The following AOPEP variants were observed in gnomAD, a reference collection of about 807,000 sequenced individuals.
AOPEP encodes the protein aminopeptidase O (putative).
A neutral mutation model predicts 98.1 loss-of-function variants in AOPEP; 77 were observed. The observed-to-expected ratio is 0.78, with a 90% CI of 0.65 to 0.95. The LOEUF (loss-of-function observed/expected upper bound fraction) is 0.95, where lower values mean the gene tolerates loss of function less well. Ranked by LOEUF, AOPEP falls within the 40% of genes least tolerant of loss-of-function variation. AOPEP has a pLI of 0.00. For missense variants in AOPEP, 1,024 were observed against 1,024.7 expected (o/e 1.00, Z 0.01); for synonymous variants, 346 against 365.3 (o/e 0.95, Z 0.60).
chr9:95,004,663 G>A (rs1280383825), intron 11 of AOPEP, among the ~76,000 whole-genome samples: 2 of 151,498 alleles, frequency 1.3e-5, no homozygotes, highest in Non-Finnish European at 3.0e-5. Context: ...GGGCGGCGCG[G>A]GCCCCTCTCG....
At chr9:94,911,706 T>C (rs1211427092) in intron 5 of AOPEP, among the ~76,000 whole-genome samples, 1 of 152,148 alleles carries the variant, frequency 6.6e-6, no homozygotes, top group Non-Finnish European at 1.5e-5. Flanking sequence ...TGTTGGAAAT[T>C]GGCCTCGAAT....
At position 95,020,103 on chromosome 9, in the gene AOPEP, CCTGAGAAGTTGATTCCCAGG is replaced by C; in HGVS notation, c.2115+14489_2115+14508del. 2.6e-5 allele frequency: 4 copies of C among 152,280 alleles called. 1 individual carries two copies. Among genetic ancestry groups the C allele is most frequent in the African/African-American group, 9.6e-5 (4 of 41,550 alleles). 9.4% of individuals were successfully genotyped at this position (152,280 alleles called of 1,614,324 possible). On this transcript the variant is annotated intron_variant, in intron 13 of 16. Transcript: ENST00000375315. Reference sequence around the variant, plus strand: ...GTTTCACATATGAGAATGCAGAGGCCCTGAGAAGTTGATTCCCAGGCCTGCATGCTGGCCTGGAACTAGAG... The same window carrying C: ...GTTTCACATATGAGAATGCAGAGGCCCCTGCATGCTGGCCTGGAACTAGAG...
At chr9:95,060,963 C>A in intron 14 of AOPEP, 153 bp downstream of exon 14, 1 of 610,996 alleles carries the variant, frequency 1.6e-6, no homozygotes, top group Non-Finnish European at 2.9e-6. Flanking sequence ...GTGCTTTAAT[C>A]TGATTATGCT....
At chr9:95,138,995 C>T in the AOPEP span, among the ~76,000 whole-genome samples, 1 of 152,202 alleles carries the variant, frequency 6.6e-6, no homozygotes, top group Non-Finnish European at 1.5e-5. Context: ...AGATTTTGCT[C>T]TAAAACCTCA....
At chr9:94,995,465 C>T (rs2061163526) in intron 11 of AOPEP, among the ~76,000 whole-genome samples, 1 of 152,070 alleles carries the variant, frequency 6.6e-6, no homozygotes, top group Non-Finnish European at 1.5e-5. Flanking sequence ...ACAGAGAGTG[C>T]CTAGTCTAAA....
chr9:94,780,198 T>A (rs1394801736), intron 3 of AOPEP, among the ~76,000 whole-genome samples: 1 of 152,220 alleles, frequency 6.6e-6, no homozygotes, highest in Non-Finnish European at 1.5e-5. Flanking sequence ...CCTAAAATAT[T>A]TGTTACCTGG....
At chr9:94,813,083 G>A (rs1026335518) in intron 5 of AOPEP, among the ~76,000 whole-genome samples, 9 of 152,216 alleles carry the variant, frequency 5.9e-5, no homozygotes, top group Admixed American at 5.9e-4. Context: ...GTGGGTTTTC[G>A]AAATAACATT....
chr9:94,863,139 G>A (rs779269583), intron 5 of AOPEP, among the ~76,000 whole-genome samples: 2 of 152,042 alleles, frequency 1.3e-5, no homozygotes, highest in Non-Finnish European at 2.9e-5. Context: ...GAGAGGCCAG[G>A]GTGGAGTGGG....
intron 3 of AOPEP, among the ~76,000 whole-genome samples, chr9:94,774,281 C>G (rs1841573836): frequency 7.5e-6 from 1 of 133,070 alleles, no homozygotes. Flanking sequence ...CACTGCACTC[C>G]AGCCTGGGCG....
At chr9:95,074,358 AC>A (rs1205239159) in intron 14 of AOPEP, among the ~76,000 whole-genome samples, 2 of 151,772 alleles carry the variant, frequency 1.3e-5, no homozygotes, top group Non-Finnish European at 2.9e-5. Context: ...CATTCTTCCC[AC>A]CCTAGATTCC....
chr9:95,089,708 G>T (rs1564628230), downstream of AOPEP, among the ~76,000 whole-genome samples: 1 of 152,216 alleles, frequency 6.6e-6, no homozygotes. Context: ...GGGCTGCTTT[G>T]GAAAGCATGG....
intron 5 of AOPEP, among the ~76,000 whole-genome samples, chr9:94,900,178 C>A (rs1219785729): frequency 1.3e-5 from 2 of 152,226 alleles, no homozygotes; most frequent in African/African-American, 4.8e-5. Context: ...GTGAGCCAAC[C>A]TCTCAGCCTG....
At chr9:94,847,163 C>CTCTG (rs1554739518) in intron 5 of AOPEP, among the ~76,000 whole-genome samples, 214 of 11,862 alleles carry the variant, frequency 0.018, 1 homozygote, top group African/African-American at 0.042. Context: ...CTCTCTCTGT[C>CTCTG]TCTCTCTCTC....
At chr9:95,087,732 G>A (rs564190898), downstream of AOPEP, among the ~76,000 whole-genome samples, 10 of 152,278 alleles carry the variant, frequency 6.6e-5, no homozygotes, top group South Asian at 2.1e-4. Context: ...AAGGTTTAGG[G>A]TATAGACAGA....
chr9:94,930,420 A>T lies in AOPEP; in HGVS notation c.1661+1889A>T, dbSNP rs1250830330. On this transcript the variant is annotated intron_variant, in intron 7 of 16. Coordinates refer to ENST00000375315, the MANE Select transcript of AOPEP (RefSeq NM_001193329.3). This position sits in a 1 kb window ranked among gnomAD's most constrained non-coding sequence, Gnocchi z 4.5. ...TGCATGTGTTAAGTTTGTGATGACC[A>T]ATAGATATTCAATATTATGAACTTT... Among the ~76,000 whole-genome samples, 1 of 152,200 alleles carries T rather than the reference A, an allele frequency of 6.6e-6. No individual in the cohort carries two copies. The highest frequency in any genetic ancestry group is 2.4e-5 in the African/African-American group (1 of 41,452).
chr9:94,980,779 G>T lies in AOPEP; in HGVS notation c.1977+1352G>T, dbSNP rs1276475853. On this transcript the variant is annotated intron_variant, in intron 11 of 16. Transcript: ENST00000375315. The surrounding 1 kb of genome is among the most constrained non-coding windows in gnomAD (Gnocchi z 4.3). ...TTCACTCACGTGTGTGACAATGAGG[G>T]CCCGTGAGCTCTGAGACGGTGACTT... Among the ~76,000 whole-genome samples the T allele has an allele frequency of 2.0e-5, 3 of 152,240 alleles. No individual in the cohort carries two copies. The highest frequency in any genetic ancestry group is 4.4e-5 in the Non-Finnish European group (3 of 68,036).
At chr9:95,019,437 T>G (rs966936779) in intron 13 of AOPEP, 13 of 152,236 alleles carry the variant, frequency 8.5e-5, no homozygotes, top group African/African-American at 2.9e-4. Flanking sequence ...TTTTGTTTCT[T>G]TTTTTCAAAC....
chr9:94,782,458 AT>A (rs1430943860), intron 3 of AOPEP, among the ~76,000 whole-genome samples: 1 of 152,212 alleles, frequency 6.6e-6, no homozygotes, highest in Non-Finnish European at 1.5e-5. Flanking sequence ...GCTCTCTGAC[AT>A]TCTCTTTCTT....
chr9:94,757,850 G>C (rs1466504187), intron 1 of AOPEP, among the ~76,000 whole-genome samples: 1 of 152,112 alleles, frequency 6.6e-6, no homozygotes, highest in East Asian at 1.9e-4. Flanking sequence ...GCCACCATCA[G>C]AATGAAGTTT....
Sources: gnomAD v4.1 joint callset for allele counts (sites outside exome capture counted in the v4.1 genomes callset) on GRCh38, gnomAD v4.1.1 for gene constraint, Gnocchi (gnomAD v3.1) non-coding constraint, MANE v1.5 for transcripts, NCBI Gene and HGNC (gene_info 2026-07-23, HGNC 2026-07-21) for gene names.